Variants in MRPS14 observed in about 807,000 individuals in gnomAD.
The protein encoded by MRPS14 is small ribosomal subunit protein uS14m.
A neutral mutation model predicts 16.4 loss-of-function variants in MRPS14; 14 were observed. That is an observed-to-expected ratio of 0.85 (90% CI 0.56 to 1.33). The LOEUF is 1.33. Ranked by LOEUF, MRPS14 falls within the 40% of genes most tolerant of loss-of-function variation. The probability of loss-of-function intolerance (pLI) is 0.00; values close to 1 mark genes in which losing one functional copy is unlikely to be tolerated. For missense variants in MRPS14, 162 were observed against 176.8 expected, an observed-to-expected ratio of 0.92 and a Z score of 0.48; for synonymous variants, 54 against 61.9, an observed-to-expected ratio of 0.87 and a Z score of 0.60.
intron 2 of MRPS14, among the ~76,000 whole-genome samples, chr1:175,017,184 A>G (rs1213384252): frequency 6.6e-6 from 1 of 152,012 alleles, no homozygotes; most frequent in Non-Finnish European, 1.5e-5. Context: ...CCTCCCGAGT[A>G]GCTGGGATTA....
Position 175,020,482 on chromosome 1 carries a change from T to G in MRPS14, c.46-1906A>C, listed in dbSNP as rs183772936. Reference sequence around the variant, plus strand: ...CTTTCACTCTATTTTGCATACCTTTTTTTCTTACTAGAAAAGTAATATCCA... The same window carrying G: ...CTTTCACTCTATTTTGCATACCTTTGTTTCTTACTAGAAAAGTAATATCCA... On this transcript the variant is annotated intron_variant, in intron 1 of 2. Coordinates refer to ENST00000476371, the MANE Select transcript of MRPS14 (RefSeq NM_022100.3). Among the ~76,000 whole-genome samples the G allele has an allele frequency of 3.3e-5, 5 of 152,358 alleles. 1 individual carries two copies. The highest frequency in any genetic ancestry group is 2.0e-4 in the Admixed American group (3 of 15,304).
At chr1:175,021,458 A>G (rs898794165) in intron 1 of MRPS14, among the ~76,000 whole-genome samples, 1 of 152,154 alleles carries the variant, frequency 6.6e-6, no homozygotes, top group Non-Finnish European at 1.5e-5. Context: ...TTTATTATTA[A>G]TAAGTGCAAG....
intron 2 of MRPS14, among the ~76,000 whole-genome samples, chr1:175,016,594 CAG>C (rs1672884799): frequency 6.6e-6 from 1 of 152,132 alleles, no homozygotes; most frequent in South Asian, 2.1e-4. Context: ...CTAGTCATAC[CAG>C]AGACATGTCT....
intron 2 of MRPS14, among the ~76,000 whole-genome samples, chr1:175,017,921 C>T (rs1050852253): frequency 5.9e-5 from 9 of 152,088 alleles, no homozygotes; most frequent in African/African-American, 1.9e-4. Flanking sequence ...ATCAGGAGTT[C>T]GAGACCAGCC....
In MRPS14 at chr1:175,014,817, C is replaced by A. The variant is rs749935224; in HGVS notation, c.239G>T (p.Arg80Leu). The change falls in exon 3 of 3, where the codon CGG (arginine) becomes CTG (leucine). Residue 80 changes from arginine (R) to leucine (L), a missense_variant. Arg to Leu is a moderately radical substitution (Grantham distance 102). Coordinates refer to ENST00000476371, the MANE Select transcript of MRPS14 (RefSeq NM_022100.3). ...TCTGATTCTAACAGGACAGCTATCC[C>A]GGGGGAGGGCAGCAATTTCTTCATC... Reference protein sequence around the residue: ...VADEEIAALPRDSCPVRIRNR... With the variant: ...VADEEIAALPLDSCPVRIRNR... 8.1e-6 allele frequency: 13 copies of A among 1,613,912 alleles called. No individual in the cohort carries two copies. Among genetic ancestry groups the A allele is most frequent in the Non-Finnish European group, 1.1e-5 (13 of 1,179,946 alleles).
In MRPS14 at chr1:175,023,396, T is replaced by G. The variant is rs141489541; in HGVS notation, c.13A>C (p.Met5Leu). MAAF[M>L]LGSLLRTFKQ... ...AACGTCCGCAGCAGCGAGCCCAGCA[T>G]GAAGGCCGCCATGTTGTCCGCTACA... The change falls in exon 1 of 3, where the codon ATG (methionine) becomes CTG (leucine). Residue 5 changes from methionine (M) to leucine (L), a missense_variant. Met to Leu is a conservative substitution (Grantham distance 15, BLOSUM62 2). Transcript: ENST00000476371. The G allele has an allele frequency of 6.2e-7, 1 of 1,614,034 alleles. No homozygotes were observed. Among genetic ancestry groups the G allele is most frequent in the South Asian group, 1.1e-5 (1 of 91,080 alleles).
In MRPS14 at chr1:175,015,407, G is replaced by GT. The variant is rs1672863949; in HGVS notation, c.205-557dup. ...GAATGTATTTCTGTTGCCGCCTCAT[G>GT]TTTTTTGAATCACGAAAGTGAAACC... On this transcript the variant is annotated intron_variant, in intron 2 of 2. Coordinates refer to ENST00000476371, the MANE Select transcript of MRPS14 (RefSeq NM_022100.3). Among the ~76,000 whole-genome samples the GT allele has an allele frequency of 2.0e-5, 3 of 152,164 alleles. No individual in the cohort carries two copies. The South Asian group carries it at 6.2e-4, about 31-fold the overall frequency.
intron 2 of MRPS14, among the ~76,000 whole-genome samples, 182 bp from the exon 3 acceptor site, chr1:175,015,033 C>T (rs1288224481): frequency 2.0e-5 from 3 of 151,380 alleles, no homozygotes; most frequent in Admixed American, 6.6e-5. Flanking sequence ...CTGCAACCTC[C>T]GCCTCCTGGG....
intron 1 of MRPS14, among the ~76,000 whole-genome samples, chr1:175,019,783 G>A (rs989226392): frequency 7.9e-5 from 12 of 152,124 alleles, no homozygotes; most frequent in African/African-American, 2.7e-4. Context: ...CACAAGAAAC[G>A]ATAAGTCTCT....
At chr1:175,016,204 A>AC (rs1558330229) in intron 2 of MRPS14, among the ~76,000 whole-genome samples, 1 of 152,070 alleles carries the variant, frequency 6.6e-6, no homozygotes, top group African/African-American at 2.4e-5. Flanking sequence ...CAAAAAAAAA[A>AC]AAACAAAAAA....
chr1:175,021,189 A>C (rs1672972387), intron 1 of MRPS14, among the ~76,000 whole-genome samples: 1 of 152,086 alleles, frequency 6.6e-6, no homozygotes, highest in Admixed American at 6.5e-5. Context: ...GACTCATGCC[A>C]TTGGGCTTAC....
chr1:175,015,477 A>G (rs1198268909), intron 2 of MRPS14, among the ~76,000 whole-genome samples: 2 of 152,206 alleles, frequency 1.3e-5, no homozygotes, highest in Non-Finnish European at 2.9e-5. Flanking sequence ...TTGAGATAAG[A>G]CTAGAGAAGG....
chr1:175,019,903 T>A lies in MRPS14; in HGVS notation c.46-1327A>T, dbSNP rs192716984. ...AATATATGTATAGCAGAATATAAAATTGAAAATAAGAATACTATAAATAGA... is the reference window on the plus strand; with the variant it reads ...AATATATGTATAGCAGAATATAAAAATGAAAATAAGAATACTATAAATAGA... On this transcript the variant is annotated intron_variant, in intron 1 of 2. Coordinates refer to ENST00000476371, the MANE Select transcript of MRPS14 (RefSeq NM_022100.3). Among the ~76,000 whole-genome samples, 327 of 152,276 alleles carry A rather than the reference T, an allele frequency of 2.1e-3. 2 individuals are homozygous for A. Among genetic ancestry groups the A allele is most frequent in the African/African-American group, 7.6e-3 (317 of 41,536 alleles).
At chr1:175,015,108 C>G (rs922846252) in intron 2 of MRPS14, among the ~76,000 whole-genome samples, 21 of 152,036 alleles carry the variant, frequency 1.4e-4, no homozygotes, top group Admixed American at 1.4e-3. Flanking sequence ...CTACCACACT[C>G]AGCTAATTTT....
intron 1 of MRPS14, among the ~76,000 whole-genome samples, chr1:175,021,190 T>C (rs952107063): frequency 1.3e-5 from 2 of 152,310 alleles, no homozygotes; most frequent in East Asian, 1.9e-4. Context: ...ACTCATGCCA[T>C]TGGGCTTACT....
At chr1:175,021,279 C>A (rs1184266668) in intron 1 of MRPS14, among the ~76,000 whole-genome samples, 1 of 152,156 alleles carries the variant, frequency 6.6e-6, no homozygotes, top group Non-Finnish European at 1.5e-5. Context: ...GATTTTGGAT[C>A]CTGGCTTATT....
chr1:175,015,150 C>T (rs1475595325), intron 2 of MRPS14, among the ~76,000 whole-genome samples: 2 of 151,948 alleles, frequency 1.3e-5, no homozygotes, highest in Admixed American at 6.6e-5. Flanking sequence ...GGTTTCACCA[C>T]GTTGCCCAGG....
At chr1:175,019,412 G>C (rs959464975) in intron 1 of MRPS14, among the ~76,000 whole-genome samples, 1 of 152,120 alleles carries the variant, frequency 6.6e-6, no homozygotes, top group Non-Finnish European at 1.5e-5. Context: ...CTCCTGAGTA[G>C]CTCAGACTAC....
At chr1:175,015,083 G>A (rs1238196608) in intron 2 of MRPS14, among the ~76,000 whole-genome samples, 2 of 151,854 alleles carry the variant, frequency 1.3e-5, no homozygotes, top group Admixed American at 1.3e-4. Context: ...GAGTAGCTGA[G>A]ATTACAGGTG....
Sources: gnomAD v4.1 joint callset for allele counts (sites outside exome capture counted in the v4.1 genomes callset) on GRCh38, gnomAD v4.1.1 for gene constraint, MANE v1.5 for transcripts, NCBI Gene and HGNC (gene_info 2026-07-23, HGNC 2026-07-21) for gene names.